Variants in NCALD observed in about 807,000 individuals in gnomAD.
NCALD encodes neurocalcin delta, also known as neurocalcin-delta.
NCALD carries 10 observed loss-of-function variants against 18.6 expected under a neutral mutation model. The ratio of observed to expected loss-of-function variants is 0.54; its 90% CI spans 0.33 to 0.91. NCALD has a LOEUF of 0.91. Ranked by LOEUF, NCALD falls within the 40% of genes least tolerant of loss-of-function variation. NCALD has a pLI of 0.03. For synonymous variants in NCALD, 88 were observed against 87.4 expected, an observed-to-expected ratio of 1.01 and a Z score of -0.04; for missense variants, 184 against 247.6, an observed-to-expected ratio of 0.74 and a Z score of 1.72.
intron 4 of NCALD, among the ~76,000 whole-genome samples, chr8:101,803,161 T>C (rs1483859977): frequency 1.3e-5 from 2 of 152,192 alleles, no homozygotes; most frequent in African/African-American, 2.4e-5. Context: ...GTGGTAACTT[T>C]AACTTGAAGT....
At chr8:101,824,931 G>T (rs1049921283) in intron 4 of NCALD, among the ~76,000 whole-genome samples, 2 of 152,104 alleles carry the variant, frequency 1.3e-5, no homozygotes, top group Non-Finnish European at 2.9e-5. Context: ...ATCCACCAAG[G>T]TCATTACATA....
intron 1 of NCALD, among the ~76,000 whole-genome samples, chr8:102,041,146 CTTTT>C (rs1823036773): frequency 1.3e-5 from 2 of 152,302 alleles, no homozygotes; most frequent in South Asian, 4.1e-4. Context: ...TATCTCCTTT[CTTTT>C]ATTATCTGCA....
intron 4 of NCALD, among the ~76,000 whole-genome samples, chr8:101,848,196 T>A (rs1219095391): frequency 4.6e-5 from 7 of 152,088 alleles, no homozygotes. Context: ...TTCAATAAGT[T>A]GTAGAGAGCT....
At chr8:102,108,311 G>T (rs1825537525) in intron 1 of NCALD, among the ~76,000 whole-genome samples, 1 of 152,338 alleles carries the variant, frequency 6.6e-6, no homozygotes, top group East Asian at 1.9e-4. Context: ...TTAGATCCTG[G>T]TTGACCAGTC....
At chr8:101,898,928 T>A (rs1392533811) in intron 3 of NCALD, among the ~76,000 whole-genome samples, 1 of 152,104 alleles carries the variant, frequency 6.6e-6, no homozygotes, top group African/African-American at 2.4e-5. Context: ...TTGTTGGAAT[T>A]TTTATAAGAA....
At chr8:101,931,628 G>A (rs527964416) in intron 2 of NCALD, among the ~76,000 whole-genome samples, 49 of 149,464 alleles carry the variant, frequency 3.3e-4, no homozygotes, top group African/African-American at 1.1e-3. Flanking sequence ...TTTTTTTCCT[G>A]TTTCTTTTCC....
chr8:101,690,791 C>G, intron 3 of NCALD: 1 of 985,406 alleles, frequency 1.0e-6, no homozygotes, highest in African/African-American at 1.7e-5. Flanking sequence ...ATAGTAGTTA[C>G]AATGGTAATG....
At chr8:101,935,611 G>A (rs1034015874) in intron 2 of NCALD, among the ~76,000 whole-genome samples, 5 of 152,068 alleles carry the variant, frequency 3.3e-5, no homozygotes, top group African/African-American at 1.2e-4. Flanking sequence ...TAATGTCAAG[G>A]TCACTGGGGG....
upstream of NCALD, among the ~76,000 whole-genome samples, chr8:101,792,495 T>G (rs1812483060): frequency 6.6e-6 from 1 of 152,190 alleles, no homozygotes; most frequent in East Asian, 1.9e-4. Context: ...TATAAGGAAC[T>G]TTCCTCCTTT....
At chr8:101,940,283 G>C (rs1176104537) in intron 2 of NCALD, among the ~76,000 whole-genome samples, 1 of 152,128 alleles carries the variant, frequency 6.6e-6, no homozygotes, top group Admixed American at 6.5e-5. Flanking sequence ...GAAGAAACTG[G>C]GTTAGATATT....
chr8:101,970,115 C>G (rs1247104979), intron 2 of NCALD, among the ~76,000 whole-genome samples: 3 of 152,184 alleles, frequency 2.0e-5, no homozygotes, highest in Non-Finnish European at 4.4e-5. Flanking sequence ...TTTCCAATCA[C>G]TGATTTATCT....
chr8:101,696,627 T>C (rs1815005715), intron 2 of NCALD, among the ~76,000 whole-genome samples: 1 of 152,218 alleles, frequency 6.6e-6, no homozygotes, highest in Non-Finnish European at 1.5e-5. Context: ...TAGGGATCTG[T>C]ATTTCTCCAA....
intron 1 of NCALD, among the ~76,000 whole-genome samples, chr8:102,035,542 G>C (rs1166819631): frequency 6.6e-6 from 1 of 152,136 alleles, no homozygotes; most frequent in Non-Finnish European, 1.5e-5. Flanking sequence ...ATAGTCCAGA[G>C]AAAGGCAGTA....
intron 1 of NCALD, among the ~76,000 whole-genome samples, chr8:102,052,209 T>C (rs951002319): frequency 6.6e-6 from 1 of 152,244 alleles, no homozygotes; most frequent in East Asian, 1.9e-4. Context: ...TTCTGATGTG[T>C]TGATAACATG....
At chr8:101,966,102 A>T (rs976938479) in intron 2 of NCALD, among the ~76,000 whole-genome samples, 3 of 141,382 alleles carry the variant, frequency 2.1e-5, no homozygotes, top group Non-Finnish European at 2.9e-5. Context: ...ATACTCTGAT[A>T]AAAAAAAGAA....
chr8:101,948,097 G>A (rs1819248186), intron 2 of NCALD, among the ~76,000 whole-genome samples: 1 of 152,218 alleles, frequency 6.6e-6, no homozygotes, highest in Non-Finnish European at 1.5e-5. Context: ...GAAAATATGT[G>A]ATGGGTTTTA....
chr8:102,059,734 A>T (rs1001216445), intron 1 of NCALD, among the ~76,000 whole-genome samples: 10 of 152,156 alleles, frequency 6.6e-5, no homozygotes, highest in African/African-American at 2.2e-4. Context: ...GGAGGGGAAA[A>T]GTCTTCTTTT....
At chr8:101,926,355 G>A (rs1001927872) in intron 2 of NCALD, among the ~76,000 whole-genome samples, 9 of 152,082 alleles carry the variant, frequency 5.9e-5, no homozygotes, top group African/African-American at 2.2e-4. Context: ...AGTAGTCTCA[G>A]TTTATTTCTG....
chr8:101,885,887 G>T (rs1011854479), intron 4 of NCALD, among the ~76,000 whole-genome samples: 36 of 152,304 alleles, frequency 2.4e-4, no homozygotes, highest in Non-Finnish European at 1.0e-4. Flanking sequence ...CTTGATGTCA[G>T]AAAGAGCCAA....
Sources: gnomAD v4.1 joint callset for allele counts (sites outside exome capture counted in the v4.1 genomes callset) on GRCh38, gnomAD v4.1.1 for gene constraint, MANE v1.5 for transcripts, NCBI Gene and HGNC (gene_info 2026-07-23, HGNC 2026-07-21) for gene names.